PARD3B: variants seen among roughly 807,000 people sequenced by gnomAD.
PARD3B encodes par-3 family cell polarity regulator beta.
In PARD3B, 103 loss-of-function variants were observed where a neutral mutation model predicts 130.2. The ratio of observed to expected loss-of-function variants is 0.79; its 90% CI spans 0.67 to 0.93. PARD3B has a LOEUF of 0.93. Among genes scored for constraint, PARD3B ranks in the 40% least tolerant of loss-of-function variants. PARD3B has a pLI of 0.00. For synonymous variants in PARD3B, 583 were observed against 553.2 expected (o/e 1.05, Z -0.76); for missense variants, 1,609 against 1,499.2 (o/e 1.07, Z -1.21).
intron 2 of PARD3B, among the ~76,000 whole-genome samples, chr2:204,804,709 C>G (rs2042702058): frequency 6.6e-6 from 1 of 152,174 alleles, no homozygotes; most frequent in Admixed American, 6.6e-5. Context: ...ATGGATCATT[C>G]TCAAGGATAG....
chr2:205,362,179 T>G (rs2044414189), intron 18 of PARD3B, among the ~76,000 whole-genome samples: 1 of 152,208 alleles, frequency 6.6e-6, no homozygotes, highest in Non-Finnish European at 1.5e-5. Flanking sequence ...TCAGATGTTT[T>G]ATATCAATTG....
chr2:205,297,240 C>G (rs2041830959), intron 16 of PARD3B, among the ~76,000 whole-genome samples: 1 of 152,004 alleles, frequency 6.6e-6, no homozygotes. Flanking sequence ...AAAGAGACCT[C>G]TTCTTGAGAC....
chr2:205,578,567 A>G (rs950174830), intron 22 of PARD3B, among the ~76,000 whole-genome samples: 4 of 152,234 alleles, frequency 2.6e-5, no homozygotes, highest in Non-Finnish European at 5.9e-5. Flanking sequence ...TTACAAGATA[A>G]AGTAATATAA....
At chr2:204,825,944 G>T (rs2043554144) in intron 2 of PARD3B, among the ~76,000 whole-genome samples, 1 of 152,148 alleles carries the variant, frequency 6.6e-6, no homozygotes, top group Admixed American at 6.5e-5. Flanking sequence ...ACCTTAGCCT[G>T]AGATTGGCTG....
chr2:204,778,368 A>C (rs1385014869), intron 2 of PARD3B, among the ~76,000 whole-genome samples: 1 of 152,202 alleles, frequency 6.6e-6, no homozygotes, highest in African/African-American at 2.4e-5. Context: ...GCTGAAAGGC[A>C]GAGATTAAAT....
rs2052785853 is a variant in PARD3B, at chr2:205,554,350, A to G, written c.3260+947A>G. On this transcript the variant is annotated intron_variant, in intron 22 of 22. Transcript: ENST00000406610. ...CTGTACCTCTGTGTGATTTTACAAA[A>G]CAAACACCCTGAACATTACAATGGG... 2.6e-5 allele frequency among the ~76,000 whole-genome samples: 4 copies of G among 152,282 alleles called. No individual in the cohort carries two copies. The South Asian group carries it at 8.3e-4, about 32-fold the overall frequency.
At chr2:204,822,784 C>T (rs1003997989) in intron 2 of PARD3B, among the ~76,000 whole-genome samples, 2 of 152,170 alleles carry the variant, frequency 1.3e-5, no homozygotes, top group Admixed American at 1.3e-4. Context: ...AATATTTAGG[C>T]ACTTAGATGG....
At chr2:205,201,269 C>T (rs1203601338) in intron 15 of PARD3B, among the ~76,000 whole-genome samples, 1 of 152,104 alleles carries the variant, frequency 6.6e-6, no homozygotes, top group Non-Finnish European at 1.5e-5. Flanking sequence ...ACCCCAGATA[C>T]ATCAAGCAAT....
intron 15 of PARD3B, among the ~76,000 whole-genome samples, chr2:205,215,261 C>T (rs1341620271): frequency 6.6e-6 from 1 of 150,934 alleles, no homozygotes; most frequent in Non-Finnish European, 1.5e-5. Context: ...TAAGAGTTCA[C>T]TTTGGATTAC....
At chr2:205,318,747 C>G (rs1208559130) in intron 18 of PARD3B, among the ~76,000 whole-genome samples, 1 of 152,114 alleles carries the variant, frequency 6.6e-6, no homozygotes, top group Non-Finnish European at 1.5e-5. Context: ...TAATTCTCAT[C>G]CCCTGGGCTG....
At chr2:205,222,162 T>G (rs1015714373) in intron 15 of PARD3B, among the ~76,000 whole-genome samples, 1 of 131,392 alleles carries the variant, frequency 7.6e-6, no homozygotes, top group African/African-American at 3.0e-5. Flanking sequence ...GTTAATGAAC[T>G]ATTAGACCTT....
At chr2:204,752,974 G>A (rs1254797309) in intron 2 of PARD3B, among the ~76,000 whole-genome samples, 2 of 152,088 alleles carry the variant, frequency 1.3e-5, no homozygotes, top group South Asian at 2.1e-4. Flanking sequence ...CAAATTATCT[G>A]CTTACTAAAT....
At chr2:204,628,705 A>G (rs1452398698) in intron 1 of PARD3B, among the ~76,000 whole-genome samples, 4 of 152,164 alleles carry the variant, frequency 2.6e-5, no homozygotes, top group Non-Finnish European at 5.9e-5. Flanking sequence ...CCTTGCCAGT[A>G]TACATTTTTA....
At chr2:204,863,044 A>G (rs1575159136) in intron 2 of PARD3B, among the ~76,000 whole-genome samples, 1 of 152,206 alleles carries the variant, frequency 6.6e-6, no homozygotes, top group East Asian at 1.9e-4. Context: ...ACCAGTCGGG[A>G]AAGGGCGGGC....
chr2:205,261,624 A>T (rs1015711886), intron 16 of PARD3B, among the ~76,000 whole-genome samples: 3 of 152,178 alleles, frequency 2.0e-5, no homozygotes, highest in Non-Finnish European at 4.4e-5. Flanking sequence ...GAAATGGAAA[A>T]TTCCTTTCAA....
chr2:204,985,158 C>T (rs1693024415), intron 3 of PARD3B, among the ~76,000 whole-genome samples: 1 of 151,938 alleles, frequency 6.6e-6, no homozygotes, highest in Non-Finnish European at 1.5e-5. Flanking sequence ...CTTTTCCTTC[C>T]CCCACTTCTT....
At chr2:204,573,105 C>T (rs2032084996) in intron 1 of PARD3B, among the ~76,000 whole-genome samples, 1 of 152,174 alleles carries the variant, frequency 6.6e-6, no homozygotes, top group Non-Finnish European at 1.5e-5. Context: ...CCATTCAATC[C>T]ATCTGCTCTT....
At chr2:204,812,314 C>T (rs2042992184) in intron 2 of PARD3B, among the ~76,000 whole-genome samples, 1 of 151,990 alleles carries the variant, frequency 6.6e-6, no homozygotes, top group Admixed American at 6.6e-5. Context: ...TCTTGCCTCC[C>T]CAGAGGAAAG....
Position 205,217,818 on chromosome 2 carries a change from ATATGTGTGTG to A in PARD3B, c.2140+24502_2140+24511del, listed in dbSNP as rs1414261541. ...CATGTATATATGTGTGTATATATGTATATGTGTGTGTATATATGTGTGTATATGTGTGTGT... is the reference window on the plus strand; with the variant it reads ...CATGTATATATGTGTGTATATATGTATATATATGTGTGTATATGTGTGTGT... On this transcript the variant is annotated intron_variant, in intron 15 of 22. Coordinates refer to ENST00000406610, the MANE Select transcript of PARD3B (RefSeq NM_001302769.2). 9.6e-4 allele frequency among the ~76,000 whole-genome samples: 134 copies of A among 139,126 alleles called. 1 individual carries two copies. In the East Asian group the frequency reaches 0.024, roughly 25 times the overall value. 91.3% of individuals were successfully genotyped at this position (139,126 alleles called of 152,430 possible).
Sources: allele counts gnomAD v4.1 joint callset (sites outside exome capture counted in the v4.1 genomes callset), GRCh38; gene constraint gnomAD v4.1.1; transcripts MANE v1.5; gene names NCBI Gene and HGNC (gene_info 2026-07-23, HGNC 2026-07-21).